BCAS4: variants seen among roughly 807,000 people sequenced by gnomAD.
BCAS4 encodes breast carcinoma-amplified sequence 4.
In BCAS4, 9 loss-of-function variants were observed where a neutral mutation model predicts 15.7. The ratio of observed to expected loss-of-function variants is 0.57; its 90% confidence interval spans 0.34 to 1.00. The LOEUF is 1.00. Among genes scored for constraint, BCAS4 ranks in the 50% least tolerant of loss-of-function variants. The pLI is 0.02. For synonymous variants in BCAS4, 101 were observed against 99.5 expected, an observed-to-expected ratio of 1.02 and a Z score of -0.09; for missense variants, 225 against 239.1, an observed-to-expected ratio of 0.94 and a Z score of 0.39.
chr20:50,870,566 C>T (rs967951673), intron 4 of BCAS4, among the ~76,000 whole-genome samples: 5 of 152,166 alleles, frequency 3.3e-5, no homozygotes, highest in Non-Finnish European at 7.3e-5. Flanking sequence ...TTACAGGAAC[C>T]GTGGGGATCT....
chr20:50,795,043 T>G, upstream of BCAS4: 1 of 1,460,206 alleles, frequency 6.8e-7, no homozygotes, highest in Admixed American at 2.2e-5. Context: ...AACCACGGGC[T>G]CCCAGGCAGC....
At chr20:50,812,258 G>A (rs144397731) in intron 1 of BCAS4, among the ~76,000 whole-genome samples, 17 of 150,058 alleles carry the variant, frequency 1.1e-4, no homozygotes, top group African/African-American at 3.7e-4. Flanking sequence ...TCAGCCTCCC[G>A]AGTAGCTGGG....
At chr20:50,811,613 C>T (rs1462731328) in intron 1 of BCAS4, among the ~76,000 whole-genome samples, 3 of 152,134 alleles carry the variant, frequency 2.0e-5, no homozygotes, top group Non-Finnish European at 2.9e-5. Context: ...GATCTCTGGA[C>T]GTTTCCTCCC....
chr20:50,815,525 C>T lies in BCAS4; in HGVS notation c.91-2686C>T, dbSNP rs113802390. ...TGGCTCCATCCTTTCTCCCTTAGTG[C>T]GATAATGACATTTTCTCATTGTAAT... is the stretch of plus-strand genomic sequence containing the variant. On this transcript the variant is annotated intron_variant, in intron 1 of 4. Transcript: ENST00000371608. Among the ~76,000 whole-genome samples, 6 of 152,110 alleles carry T rather than the reference C, an allele frequency of 3.9e-5. No individual in the cohort carries two copies. The East Asian group carries it at 9.6e-4, about 24-fold the overall frequency.
At chr20:50,863,248 CTTTTTTTTTT>C (rs1054175958) in intron 4 of BCAS4, among the ~76,000 whole-genome samples, 2 of 86,096 alleles carry the variant, frequency 2.3e-5, no homozygotes, top group Non-Finnish European at 4.4e-5. Context: ...CTAACTGGTG[CTTTTTTTTTT>C]TTTTTTTTTT....
chr20:50,805,205 T>A (rs2065116256), intron 1 of BCAS4, among the ~76,000 whole-genome samples: 1 of 152,130 alleles, frequency 6.6e-6, no homozygotes, highest in African/African-American at 2.4e-5. Context: ...TTTAGAACAT[T>A]TTTATGACCC....
intron 3 of BCAS4, chr20:50,840,879 G>A (rs2088471569): frequency 2.7e-6 from 2 of 740,178 alleles, no homozygotes; most frequent in Admixed American, 2.1e-5. Flanking sequence ...GCGCAGGCTG[G>A]ACTGCAATGG....
rs532303612 is a variant in BCAS4, at chr20:50,818,241, A to G, written c.121A>G (p.Met41Val). Residue 41 changes from methionine to valine, a missense_variant, in exon 2 of 5, where the codon ATG becomes GTG. Met to Val is a conservative substitution (Grantham distance 21, BLOSUM62 1). Coordinates refer to ENST00000371608, the MANE Select transcript of BCAS4 (RefSeq NM_198799.4). ...GGAGGTGGAGGAGACCATCGAGGGCATGCTCCTCAGGCTGGAAGAGTTTTG... is the reference window on the plus strand; with the variant it reads ...GGAGGTGGAGGAGACCATCGAGGGCGTGCTCCTCAGGCTGGAAGAGTTTTG... ...AKEVEETIEG[M>V]LLRLEEFCSL... 7 of 1,613,856 alleles carry G rather than the reference A, an allele frequency of 4.3e-6. No individual in the cohort carries two copies. In the East Asian group the frequency reaches 1.6e-4, roughly 36 times the overall value.
chr20:50,830,508 G>A, intron 3 of BCAS4, 128 bp downstream of exon 3: 1 of 702,692 alleles, frequency 1.4e-6, no homozygotes, highest in Non-Finnish European at 2.3e-6. Flanking sequence ...GGTGGTGGGA[G>A]TTGGGGAGTC....
At chr20:50,813,216 G>T (rs536970874) in intron 1 of BCAS4, among the ~76,000 whole-genome samples, 3 of 152,290 alleles carry the variant, frequency 2.0e-5, no homozygotes, top group East Asian at 3.9e-4. Flanking sequence ...CTGCACAATT[G>T]TACCCTTCCC....
chr20:50,819,641 G>A (rs1048925565), intron 2 of BCAS4, among the ~76,000 whole-genome samples: 4 of 152,038 alleles, frequency 2.6e-5, no homozygotes, highest in African/African-American at 9.7e-5. Context: ...ATCCCAAGAG[G>A]ACCTATATGG....
At chr20:50,844,655 T>C (rs2123812133) in intron 4 of BCAS4, among the ~76,000 whole-genome samples, 1 of 152,222 alleles carries the variant, frequency 6.6e-6, no homozygotes, top group East Asian at 1.9e-4. Flanking sequence ...AGATGGAGAA[T>C]CACCTATCCA....
chr20:50,843,753 C>T (rs1341781257), intron 4 of BCAS4, among the ~76,000 whole-genome samples: 1 of 152,220 alleles, frequency 6.6e-6, no homozygotes, highest in Non-Finnish European at 1.5e-5. Flanking sequence ...CATTTCTTTG[C>T]TTTCCAAAGA....
At chr20:50,823,483 G>A (rs2088241788) in intron 2 of BCAS4, among the ~76,000 whole-genome samples, 1 of 152,122 alleles carries the variant, frequency 6.6e-6, no homozygotes, top group Non-Finnish European at 1.5e-5. Context: ...AGAATCGACT[G>A]CTATACACAG....
intron 4 of BCAS4, among the ~76,000 whole-genome samples, chr20:50,862,506 C>T (rs1296576967): frequency 3.3e-5 from 5 of 152,060 alleles, no homozygotes; most frequent in African/African-American, 4.8e-5. Context: ...TGTGCAGGCC[C>T]GGCAGTGCTG....
chr20:50,873,592 C>T (rs1350189699), intron 4 of BCAS4, among the ~76,000 whole-genome samples: 1 of 152,254 alleles, frequency 6.6e-6, no homozygotes, highest in Non-Finnish European at 1.5e-5. Flanking sequence ...GTGGGTTACC[C>T]ACCAGCGGCA....
intron 3 of BCAS4, among the ~76,000 whole-genome samples, chr20:50,834,210 C>CT (rs1301826617): frequency 1.3e-5 from 2 of 151,320 alleles, no homozygotes; most frequent in Non-Finnish European, 2.9e-5. Flanking sequence ...ATTGATTATT[C>CT]TTTTTTTGAT....
At chr20:50,845,489 T>C (rs1486336560) in intron 4 of BCAS4, among the ~76,000 whole-genome samples, 1 of 151,996 alleles carries the variant, frequency 6.6e-6, no homozygotes, top group African/African-American at 2.4e-5. Context: ...AGGGCTTGGA[T>C]CTCCACCAAG....
intron 3 of BCAS4, among the ~76,000 whole-genome samples, chr20:50,833,392 A>G (rs6020784): frequency 0.41 from 61,926 of 152,090 alleles, 15,581 homozygotes; most frequent in African/African-American, 0.72. Context: ...CCCCAGAGCC[A>G]GGCTTCTCAG....
Sources: allele counts gnomAD v4.1 joint callset (sites outside exome capture counted in the v4.1 genomes callset), GRCh38; gene constraint gnomAD v4.1.1; transcripts MANE v1.5; gene names NCBI Gene and HGNC (gene_info 2026-07-23, HGNC 2026-07-21).